The following SUMF1 variants were observed in gnomAD, a reference collection of about 807,000 sequenced individuals.
The protein encoded by SUMF1 is sulfatase modifying factor 1, also known as formylglycine-generating enzyme.
In SUMF1, 48 loss-of-function variants were observed where a neutral mutation model predicts 47.6. That is an observed-to-expected ratio of 1.01 (90% CI 0.80 to 1.28). The LOEUF is 1.28. SUMF1 is among the 50% of genes most tolerant of loss of function. The pLI is 0.00. For synonymous variants in SUMF1, 230 were observed against 192.1 expected (o/e 1.20, Z -1.63); for missense variants, 571 against 485.4 (o/e 1.18, Z -1.66).
At chr3:4,405,729 A>G (rs1701355101) in intron 7 of SUMF1, among the ~76,000 whole-genome samples, 1 of 152,216 alleles carries the variant, frequency 6.6e-6, no homozygotes, top group Non-Finnish European at 1.5e-5. Context: ...CCTGAGAAAC[A>G]GAGGACACTT....
intron 6 of SUMF1, among the ~76,000 whole-genome samples, chr3:4,416,168 GT>G (rs932198786): frequency 6.6e-6 from 1 of 152,094 alleles, no homozygotes; most frequent in Admixed American, 6.6e-5. Flanking sequence ...CTGGAAAACA[GT>G]TTGGCCATAT....
At chr3:4,259,828 G>C (rs1697046589) in intron 8 of SUMF1, among the ~76,000 whole-genome samples, 1 of 152,082 alleles carries the variant, frequency 6.6e-6, no homozygotes, top group Non-Finnish European at 1.5e-5. Context: ...TTTCCAAAGG[G>C]AAGGCTATTA....
At position 4,263,106 on chromosome 3, in the gene SUMF1, C is replaced by T. The variant is rs373002612; in HGVS notation, c.1014+113224G>A. Reference sequence around the variant, plus strand: ...AGAAAAAGAAAAGCAATGCTTAGTTCTAAATAAATGGAGATATGATCATGT... The same window carrying T: ...AGAAAAAGAAAAGCAATGCTTAGTTTTAAATAAATGGAGATATGATCATGT... On this transcript the variant is annotated intron_variant and NMD_transcript_variant, in intron 8 of 12. Transcript: ENST00000448413. 1.7e-4 allele frequency among the ~76,000 whole-genome samples: 26 copies of T among 152,102 alleles called. No homozygotes were observed. The East Asian group carries it at 1.7e-3, about 10-fold the overall frequency.
chr3:4,278,537 T>C (rs1697463834), intron 8 of SUMF1, among the ~76,000 whole-genome samples: 1 of 152,132 alleles, frequency 6.6e-6, no homozygotes, highest in African/African-American at 2.4e-5. Flanking sequence ...GCTAAACTTT[T>C]CTAAAAATCT....
At chr3:4,078,384 C>T (rs1692486193) in intron 8 of SUMF1, among the ~76,000 whole-genome samples, 1 of 151,978 alleles carries the variant, frequency 6.6e-6, no homozygotes, top group Non-Finnish European at 1.5e-5. Flanking sequence ...AACAACATAA[C>T]AAAAATCAGC....
intron 8 of SUMF1, among the ~76,000 whole-genome samples, chr3:4,214,467 A>T (rs1470535575): frequency 6.6e-6 from 1 of 152,224 alleles, no homozygotes; most frequent in East Asian, 1.9e-4. Context: ...AAGATCTAAA[A>T]TTGACACCCT....
At chr3:4,416,987 A>G (rs1018431760) in intron 6 of SUMF1, 141 bp downstream of exon 6, 8 of 770,330 alleles carry the variant, frequency 1.0e-5, no homozygotes, top group Non-Finnish European at 1.9e-5. Context: ...AATTATTAGT[A>G]TTTGCTACGT....
chr3:4,201,465 T>C (rs1326660378), intron 8 of SUMF1, among the ~76,000 whole-genome samples: 1 of 152,138 alleles, frequency 6.6e-6, no homozygotes, highest in Non-Finnish European at 1.5e-5. Context: ...TTGTTGTAAA[T>C]GACAGGATTT....
intron 8 of SUMF1, among the ~76,000 whole-genome samples, chr3:4,203,701 TG>T (rs1695589702): frequency 6.6e-6 from 1 of 151,988 alleles, no homozygotes; most frequent in Admixed American, 6.6e-5. Context: ...TTTGTGGAAG[TG>T]GTTTTCTCTG....
At chr3:4,184,939 C>T (rs1319951149) in intron 8 of SUMF1, among the ~76,000 whole-genome samples, 2 of 152,050 alleles carry the variant, frequency 1.3e-5, no homozygotes, top group Non-Finnish European at 2.9e-5. Context: ...CGTGAGCCAC[C>T]GCACCTGGCC....
intron 8 of SUMF1, among the ~76,000 whole-genome samples, chr3:4,219,567 T>C (rs1321904579): frequency 6.6e-6 from 1 of 152,186 alleles, no homozygotes; most frequent in Non-Finnish European, 1.5e-5. Flanking sequence ...ATTCAATTCC[T>C]CTAGATGTTT....
chr3:4,038,337 T>C (rs938878519), intron 9 of SUMF1, among the ~76,000 whole-genome samples: 12 of 151,554 alleles, frequency 7.9e-5, no homozygotes, highest in Non-Finnish European at 5.9e-5. Context: ...TGGGGTGGAG[T>C]CTGTGGGAGA....
chr3:4,343,463 T>C lies in SUMF1; in HGVS notation c.1014+32867A>G, dbSNP rs116072494. On this transcript the variant is annotated intron_variant and NMD_transcript_variant, in intron 8 of 12. Transcript: ENST00000448413. ...AGTGAGTCACTTTTGCAGACTGGAGTCATTTGCATCTACAGTTGGACCAAT... is the reference window on the plus strand; with the variant it reads ...AGTGAGTCACTTTTGCAGACTGGAGCCATTTGCATCTACAGTTGGACCAAT... Among the ~76,000 whole-genome samples, 730 of 152,132 alleles carry C rather than the reference T, an allele frequency of 4.8e-3. 7 individuals carry two copies. The highest frequency in any genetic ancestry group is 0.017 in the African/African-American group (705 of 41,486).
At chr3:4,201,121 T>C (rs539036574) in intron 8 of SUMF1, among the ~76,000 whole-genome samples, 46 of 152,258 alleles carry the variant, frequency 3.0e-4, no homozygotes, top group Non-Finnish European at 5.1e-4. Context: ...CATGCATTTA[T>C]CATTCCTTTG....
At chr3:4,232,619 G>T (rs1696326112) in intron 8 of SUMF1, among the ~76,000 whole-genome samples, 1 of 151,912 alleles carries the variant, frequency 6.6e-6, no homozygotes, top group African/African-American at 2.4e-5. Context: ...AAAAAAAAAT[G>T]AAAGAAAGCT....
chr3:4,337,410 T>C (rs907238997), intron 8 of SUMF1, among the ~76,000 whole-genome samples: 1 of 152,126 alleles, frequency 6.6e-6, no homozygotes, highest in South Asian at 2.1e-4. Context: ...ACAAATTACT[T>C]CATTACTGGA....
intron 8 of SUMF1, among the ~76,000 whole-genome samples, chr3:4,320,005 G>A (rs566342504): frequency 7.2e-5 from 11 of 152,268 alleles, no homozygotes; most frequent in African/African-American, 2.6e-4. Flanking sequence ...GGAGAGGGAG[G>A]AATGAATAGG....
intron 8 of SUMF1, among the ~76,000 whole-genome samples, chr3:4,187,054 G>A (rs1385487): frequency 0.34 from 51,321 of 151,720 alleles, 8,755 homozygotes; most frequent in East Asian, 0.4. Context: ...GGTGGACCAT[G>A]TATCTTCTGA....
chr3:4,329,146 G>T (rs1409567455), intron 8 of SUMF1, among the ~76,000 whole-genome samples: 1 of 152,204 alleles, frequency 6.6e-6, no homozygotes, highest in Admixed American at 6.5e-5. Context: ...GGCTGGTATT[G>T]TCTGTGGCTT....
Sources: gnomAD v4.1 joint callset for allele counts (sites outside exome capture counted in the v4.1 genomes callset) on GRCh38, gnomAD v4.1.1 for gene constraint, MANE v1.5 for transcripts, NCBI Gene and HGNC (gene_info 2026-07-23, HGNC 2026-07-21) for gene names.